The following CLCN5 variants were observed in gnomAD, a reference collection of about 807,000 sequenced individuals.
CLCN5 encodes the protein H(+)/Cl(-) exchange transporter 5.
CLCN5 carries 17 observed loss-of-function variants against 54.0 expected under a neutral mutation model. That is an observed-to-expected ratio of 0.31 (90% CI 0.22 to 0.47). The LOEUF (loss-of-function observed/expected upper bound fraction) is 0.47. Ranked by LOEUF, CLCN5 falls within the 20% of genes least tolerant of loss-of-function variation. The probability of loss-of-function intolerance (pLI) is 1.00; values close to 1 mark genes in which losing one functional copy is unlikely to be tolerated. For missense variants in CLCN5, 448 were observed against 646.7 expected (o/e 0.69, Z 3.33); for synonymous variants, 222 against 233.0 (o/e 0.95, Z 0.43).
rs1934307308 is a variant in CLCN5 at position 50,097,744 on chromosome X, A to C, written c.*5525A>C. The C allele has an allele frequency of 9.0e-6, 1 of 111,437 alleles. No individual in the cohort carries two copies. 9.2% of individuals were successfully genotyped at this position (111,437 alleles called of 1,213,427 possible). A position where few individuals can be genotyped will look rare whatever the true frequency, so the allele number is the denominator to read the frequency against. ...GTTCTGAGAACAGAAACTGGAAGATACGTCTGAGTTGATGGGACCAACAGG... is the reference window on the plus strand; with the variant it reads ...GTTCTGAGAACAGAAACTGGAAGATCCGTCTGAGTTGATGGGACCAACAGG... On this transcript the variant is annotated 3_prime_UTR_variant, in exon 15 of 15. Coordinates refer to ENST00000376091, the MANE Select transcript of CLCN5 (RefSeq NM_001127898.4).
chrX:50,005,735 C>T (rs1557181321), intron 3 of CLCN5, among the ~76,000 whole-genome samples: 1 of 111,407 alleles, frequency 9.0e-6, no homozygotes, highest in East Asian at 2.8e-4. Flanking sequence ...TTTGACATGC[C>T]TCCGTAGTTA....
intron 3 of CLCN5, among the ~76,000 whole-genome samples, chrX:50,039,284 A>G (rs1358749620): frequency 1.8e-5 from 2 of 111,852 alleles, no homozygotes; most frequent in Non-Finnish European, 3.8e-5. Context: ...ACAGAGCAAG[A>G]CTCTGTCTCA....
At chrX:49,960,824 C>A (rs1244175129) in intron 3 of CLCN5, among the ~76,000 whole-genome samples, 4 of 111,093 alleles carry the variant, frequency 3.6e-5, no homozygotes, top group African/African-American at 1.3e-4. Context: ...ACCCCAAAAT[C>A]TTCTTTTTAA....
At chrX:49,925,433 T>C (rs1925293367) in intron 3 of CLCN5, 119 bp downstream of exon 3, 2 of 712,216 alleles carry the variant, frequency 2.8e-6, no homozygotes, top group Non-Finnish European at 4.4e-6. Flanking sequence ...AATTTAACCC[T>C]TTGTCTTTGC....
At chrX:49,982,158 C>G (rs1393949359) in intron 3 of CLCN5, among the ~76,000 whole-genome samples, 1 of 110,728 alleles carries the variant, frequency 9.0e-6, no homozygotes, top group Non-Finnish European at 1.9e-5. Flanking sequence ...ATTATAAAAT[C>G]CCTTTGAATG....
chrX:49,940,605 C>T (rs1926275792), intron 3 of CLCN5, among the ~76,000 whole-genome samples: 1 of 112,221 alleles, frequency 8.9e-6, no homozygotes, highest in South Asian at 3.7e-4. Flanking sequence ...CCCATAATAC[C>T]TAATAGTGTC....
At chrX:50,032,043 A>G (rs1557185921) in intron 3 of CLCN5, among the ~76,000 whole-genome samples, 4 of 109,988 alleles carry the variant, frequency 3.6e-5, no homozygotes, top group Non-Finnish European at 7.6e-5. Context: ...TACAAAGAAC[A>G]TGAACTCATC....
Position 50,019,468 on chromosome X carries a change from C to CTT in CLCN5, c.17-22828_17-22827dup, listed in dbSNP as rs1175073117. On this transcript the variant is annotated intron_variant, in intron 3 of 14. Coordinates refer to ENST00000376091, the MANE Select transcript of CLCN5 (RefSeq NM_001127898.4). ...TCTTTCATGCTTACTTTTTTTTTTT[C>CTT]TTTTTTTTTTTTTTTTTTTTTATTA... Among the ~76,000 whole-genome samples, 443 of 47,618 alleles carry CTT rather than the reference C, an allele frequency of 9.3e-3. 9 individuals carry two copies. The highest frequency in any genetic ancestry group is 0.031 in the African/African-American group (348 of 11,288). 41.4% of individuals were successfully genotyped at this position (47,618 alleles called of 115,157 possible).
intron 4 of CLCN5, among the ~76,000 whole-genome samples, chrX:50,060,072 G>T (rs781821613): frequency 9.3e-6 from 1 of 107,580 alleles, no homozygotes; most frequent in East Asian, 2.9e-4. Flanking sequence ...GGCTTTAGAG[G>T]TTAGGCACAT....
intron 3 of CLCN5, among the ~76,000 whole-genome samples, chrX:49,993,249 T>C (rs782430914): frequency 4.4e-4 from 49 of 112,039 alleles, no homozygotes; most frequent in Non-Finnish European, 8.5e-4. Context: ...TGTCCTTGCT[T>C]TTTAATTTAA....
At chrX:50,059,165 A>C (rs1273984317) in intron 4 of CLCN5, among the ~76,000 whole-genome samples, 1 of 112,594 alleles carries the variant, frequency 8.9e-6, no homozygotes, top group East Asian at 2.8e-4. Context: ...TCAGCTATAG[A>C]TATCTTGATG....
chrX:50,055,995 G>A (rs782075194), intron 4 of CLCN5, among the ~76,000 whole-genome samples: 1 of 107,524 alleles, frequency 9.3e-6, no homozygotes, highest in African/African-American at 3.3e-5. Flanking sequence ...ACATACATTG[G>A]TGTGCACAGG....
chrX:50,031,641 A>G (rs1180186633), intron 3 of CLCN5, among the ~76,000 whole-genome samples: 1 of 111,396 alleles, frequency 9.0e-6, no homozygotes, highest in African/African-American at 3.3e-5. Flanking sequence ...GTAATCCTCT[A>G]TTAACCCAGA....
At position 50,078,246 on chromosome X, in the gene CLCN5, A is replaced by C. The variant is rs535563645; in HGVS notation, c.603+2264A>C. ...GCTACTCAGAAGGTGAGGTGGGAGG[A>C]TTCCCTGAACCCAGGAGATCCAGGC... On this transcript the variant is annotated intron_variant, in intron 7 of 14. Transcript: ENST00000376091. Among the ~76,000 whole-genome samples the C allele has an allele frequency of 6.3e-5, 7 of 110,727 alleles. No homozygotes were observed. In the South Asian group the frequency reaches 2.7e-3, roughly 43 times the overall value.
intron 3 of CLCN5, among the ~76,000 whole-genome samples, chrX:49,946,129 C>T (rs1445024847): frequency 8.9e-6 from 1 of 112,085 alleles, no homozygotes. Flanking sequence ...TTTATTGTTC[C>T]TCTTGTTAGT....
chrX:50,044,431 A>C (rs1557187580), intron 4 of CLCN5, among the ~76,000 whole-genome samples: 1 of 112,020 alleles, frequency 8.9e-6, no homozygotes, highest in South Asian at 3.7e-4. Context: ...GGAGATATAA[A>C]AAGGCAGAAT....
In CLCN5 at chrX:49,962,528, G is replaced by C. The variant is rs1458029028; in HGVS notation, c.16+37214G>C. ...TGCCTCATAAATCATAACCAGTCCAGAACTGATCCCTGCATTTCTTAGGCC... is the reference window on the plus strand; with the variant it reads ...TGCCTCATAAATCATAACCAGTCCACAACTGATCCCTGCATTTCTTAGGCC... On this transcript the variant is annotated intron_variant, in intron 3 of 14. Transcript: ENST00000376091. 2.7e-5 allele frequency among the ~76,000 whole-genome samples: 3 copies of C among 111,468 alleles called. No homozygotes were observed. In the Admixed American group the frequency reaches 2.9e-4, roughly 11 times the overall value.
intron 3 of CLCN5, among the ~76,000 whole-genome samples, chrX:50,013,767 T>C (rs1162681619): frequency 2.7e-5 from 3 of 112,535 alleles, no homozygotes; most frequent in Non-Finnish European, 3.8e-5. Flanking sequence ...GTCTTAGCAG[T>C]GCAATGGGCT....
At position 50,090,814 on chromosome X, in the gene CLCN5, T is replaced by G. The variant is rs1934071416; in HGVS notation, c.2288T>G (p.Leu763Arg). 2.5e-6 allele frequency: 3 copies of G among 1,211,358 alleles called. No homozygotes were observed. The East Asian group carries it at 8.9e-5, about 36-fold the overall frequency. The change falls in exon 14 of 15, where the codon CTT (leucine) becomes CGT (arginine). Residue 763 changes from leucine (L) to arginine (R), a missense_variant. Physicochemically the swap from Leu to Arg is moderately radical, Grantham distance 102. Around this residue, in one of 5 missense-constraint regions of CLCN5, gnomAD observed 297 missense variants for 470.4 expected, o/e 0.63. Transcript: ENST00000376091. ...LDLSPFTVTD[L>R]TPMEIVVDIF... ...CTCAGCCCCTTCACTGTGACTGACC[T>G]TACACCCATGGAGATCGTAGTGGAT...
Sources: gnomAD v4.1 joint callset for allele counts (sites outside exome capture counted in the v4.1 genomes callset) on GRCh38, gnomAD v4.1.1 for gene constraint, gnomAD v4.1.1 regional missense constraint, MANE v1.5 for transcripts, NCBI Gene and HGNC (gene_info 2026-07-23, HGNC 2026-07-21) for gene names.